Variants in KCNH5 observed in about 807,000 individuals in gnomAD.
KCNH5 encodes the protein potassium voltage-gated channel subfamily H member 5.
In KCNH5, 46 loss-of-function variants were observed where a neutral mutation model predicts 96.1. The ratio of observed to expected loss-of-function variants is 0.48; its 90% CI spans 0.38 to 0.61. KCNH5 has a LOEUF of 0.61. KCNH5 is among the 20% of genes least tolerant of loss of function. The pLI is 0.00. For synonymous variants in KCNH5, 439 were observed against 449.8 expected (o/e 0.98, Z 0.30); for missense variants, 907 against 1,225.8 (o/e 0.74, Z 3.88).
intron 10 of KCNH5, among the ~76,000 whole-genome samples, chr14:62,773,509 C>A (rs1299892925): frequency 6.6e-6 from 1 of 152,114 alleles, no homozygotes; most frequent in Admixed American, 6.5e-5. Context: ...CTTTTATGTC[C>A]ACAACCCCAT....
chr14:62,821,373 T>C (rs894072405), intron 8 of KCNH5, among the ~76,000 whole-genome samples: 1 of 152,142 alleles, frequency 6.6e-6, no homozygotes, highest in African/African-American at 2.4e-5. Flanking sequence ...ATCATAGTAA[T>C]TAAAATGCTA....
intron 7 of KCNH5, among the ~76,000 whole-genome samples, chr14:62,907,897 G>A (rs1303477410): frequency 6.6e-6 from 1 of 152,148 alleles, no homozygotes; most frequent in Non-Finnish European, 1.5e-5. Context: ...TTCTCCTGCT[G>A]TTAGTCACAT....
intron 10 of KCNH5, among the ~76,000 whole-genome samples, chr14:62,742,897 T>C (rs1188660910): frequency 6.6e-6 from 1 of 152,190 alleles, no homozygotes; most frequent in Non-Finnish European, 1.5e-5. Flanking sequence ...CGTAGTGACC[T>C]GGTACCGGGG....
At chr14:63,036,150 T>C (rs910443454) in intron 1 of KCNH5, among the ~76,000 whole-genome samples, 4 of 152,352 alleles carry the variant, frequency 2.6e-5, no homozygotes, top group Middle Eastern at 3.4e-3. Flanking sequence ...ATGTCACACA[T>C]GTCATTCCTC....
At chr14:62,803,792 T>C (rs1286226630) in intron 8 of KCNH5, among the ~76,000 whole-genome samples, 12 of 152,190 alleles carry the variant, frequency 7.9e-5, no homozygotes, top group Admixed American at 6.6e-4. Flanking sequence ...ATTTTAAAGA[T>C]GCAAGTGCAA....
At chr14:62,857,381 T>C (rs1189383465) in intron 7 of KCNH5, among the ~76,000 whole-genome samples, 1 of 152,184 alleles carries the variant, frequency 6.6e-6, no homozygotes, top group Non-Finnish European at 1.5e-5. Context: ...CCTTCTATGA[T>C]AGTTATTCTC....
chr14:62,706,255 G>C lies in KCNH5; in HGVS notation c.*1253C>G, dbSNP rs1210809872. 1 of 152,070 alleles carries C rather than the reference G, an allele frequency of 6.6e-6. No homozygotes were observed. The highest frequency in any genetic ancestry group is 1.5e-5 in the Non-Finnish European group (1 of 67,964). 9.4% of individuals were successfully genotyped at this position (152,070 alleles called of 1,614,324 possible). On this transcript the variant is annotated 3_prime_UTR_variant, in exon 11 of 11. Transcript: ENST00000322893. Reference sequence around the variant, plus strand: ...CCTGCCTGAGCCACAATAGCTTATTGAATCAACTCAGCAGAAGTCCAGCAG... The same window carrying C: ...CCTGCCTGAGCCACAATAGCTTATTCAATCAACTCAGCAGAAGTCCAGCAG...
chr14:62,738,648 C>A (rs1464909855), intron 10 of KCNH5, among the ~76,000 whole-genome samples: 1 of 152,128 alleles, frequency 6.6e-6, no homozygotes, highest in Admixed American at 6.6e-5. Flanking sequence ...TCAGATCCTA[C>A]AATCATACTT....
chr14:62,818,102 C>T (rs1315015797), intron 8 of KCNH5, among the ~76,000 whole-genome samples: 2 of 9,846 alleles, frequency 2.0e-4, no homozygotes, highest in African/African-American at 3.6e-4. Context: ...CTACCAGGAG[C>T]TGGGGGCGGG....
intron 8 of KCNH5, among the ~76,000 whole-genome samples, chr14:62,814,207 C>A (rs1038412090): frequency 5.9e-5 from 9 of 151,864 alleles, no homozygotes; most frequent in African/African-American, 2.2e-4. Context: ...CATCGTGAAC[C>A]AATTCTACCA....
chr14:62,980,742 T>C (rs2139568027), intron 6 of KCNH5, 130 bp downstream of exon 6: 1 of 888,398 alleles, frequency 1.1e-6, no homozygotes, highest in Non-Finnish European at 1.7e-6. Flanking sequence ...TAATAACTTT[T>C]GGCAAGGGTT....
chr14:63,028,452 T>C (rs967684835), intron 1 of KCNH5, among the ~76,000 whole-genome samples: 2 of 152,162 alleles, frequency 1.3e-5, no homozygotes, highest in African/African-American at 4.8e-5. Context: ...CATTTCTTCC[T>C]TCACTGATCA....
chr14:62,972,888 T>A (rs893271893), intron 6 of KCNH5, among the ~76,000 whole-genome samples: 3 of 152,050 alleles, frequency 2.0e-5, no homozygotes, highest in Non-Finnish European at 4.4e-5. Context: ...ATGAAAAAAA[T>A]TTTAAGACAG....
intron 10 of KCNH5, among the ~76,000 whole-genome samples, chr14:62,755,838 C>T (rs754754295): frequency 4.6e-5 from 7 of 152,022 alleles, no homozygotes; most frequent in African/African-American, 7.2e-5. Context: ...ATCATACCAA[C>T]ACAATGAAGG....
intron 10 of KCNH5, among the ~76,000 whole-genome samples, chr14:62,726,187 AC>A (rs1319851894): frequency 2.6e-5 from 4 of 152,226 alleles, no homozygotes; most frequent in African/African-American, 7.2e-5. Context: ...ACGTAAAAAA[AC>A]ATAAAGCTTT....
In KCNH5 at chr14:62,756,158, C is replaced by T. The variant is rs60210460; in HGVS notation, c.2019+23570G>A. On this transcript the variant is annotated intron_variant, in intron 10 of 10. Transcript: ENST00000322893. ...AATCAGTAGCATTTTTATATGCCAA[C>T]GGCAAACAATCTGAAAAAGAAATTA... Among the ~76,000 whole-genome samples, 1,265 of 151,886 alleles carry T rather than the reference C, an allele frequency of 8.3e-3. 15 individuals carry two copies. The highest frequency in any genetic ancestry group is 0.028 in the African/African-American group (1,171 of 41,480).
chr14:62,912,621 G>A (rs181246395), intron 7 of KCNH5, among the ~76,000 whole-genome samples: 66 of 152,116 alleles, frequency 4.3e-4, no homozygotes, highest in Non-Finnish European at 7.1e-4. Flanking sequence ...TGGCCAGGCT[G>A]TCTCAAACTC....
intron 5 of KCNH5, among the ~76,000 whole-genome samples, 177 bp from the exon 6 acceptor site, chr14:62,981,441 A>G (rs576287254): frequency 3.7e-4 from 56 of 152,288 alleles, no homozygotes; most frequent in African/African-American, 1.2e-3. Flanking sequence ...CAATCACTCT[A>G]CCAAAGCTGA....
intron 4 of KCNH5, among the ~76,000 whole-genome samples, chr14:62,994,912 C>T (rs978110998): frequency 6.6e-6 from 1 of 152,044 alleles, no homozygotes; most frequent in East Asian, 1.9e-4. Flanking sequence ...CCTTCCCTTT[C>T]GATGGGTTTT....
Sources: allele counts gnomAD v4.1 joint callset (sites outside exome capture counted in the v4.1 genomes callset), GRCh38; gene constraint gnomAD v4.1.1; transcripts MANE v1.5; gene names NCBI Gene and HGNC (gene_info 2026-07-23, HGNC 2026-07-21).